Variants in CSMD3 observed in about 807,000 individuals in gnomAD.
The protein encoded by CSMD3 is CUB and Sushi multiple domains 3.
Under a neutral mutation model 435.2 loss-of-function variants are expected in CSMD3, and 177 were observed. The ratio of observed to expected loss-of-function variants is 0.41; its 90% CI spans 0.36 to 0.46. The LOEUF (loss-of-function observed/expected upper bound fraction) is 0.46, where lower values mean the gene tolerates loss of function less well. Ranked by LOEUF, CSMD3 falls within the 20% of genes least tolerant of loss-of-function variation. The pLI is 0.34. For missense variants in CSMD3, 4,265 were observed against 4,504.6 expected, an observed-to-expected ratio of 0.95 and a Z score of 1.52; for synonymous variants, 1,656 against 1,520.5, an observed-to-expected ratio of 1.09 and a Z score of -2.07.
chr8:112,524,712 C>T (rs1452120412), intron 27 of CSMD3, among the ~76,000 whole-genome samples: 1 of 151,712 alleles, frequency 6.6e-6, no homozygotes, highest in African/African-American at 2.4e-5. Flanking sequence ...TATTGAGTAA[C>T]ATAATTGATA....
intron 9 of CSMD3, among the ~76,000 whole-genome samples, chr8:112,942,213 G>T (rs1587723680): frequency 7.5e-6 from 1 of 133,348 alleles, no homozygotes; most frequent in African/African-American, 2.9e-5. Flanking sequence ...GAGTGTAATT[G>T]TTGGTAAACC....
At chr8:112,589,275 C>G (rs1830979129) in intron 22 of CSMD3, among the ~76,000 whole-genome samples, 1 of 152,030 alleles carries the variant, frequency 6.6e-6, no homozygotes, top group Admixed American at 6.6e-5. Flanking sequence ...ATTTAGCTGC[C>G]CTGAGCTACT....
Position 112,241,725 on chromosome 8 carries a change from A to G in CSMD3, c.10463T>C (p.Leu3488Pro), listed in dbSNP as rs61753736. ...RPALGTPSPK[L>P]SVPDDVFAQN... ...AAACAAATGACATTACTAACCACTT[A>G]GCTTTGGGCTGGGTGTTCCCAGTGC... The change falls in exon 66 of 71, where the codon CTA becomes CCA. Residue 3488 changes from leucine (L) to proline (P), a missense_variant. Physicochemically the swap from Leu to Pro is moderately conservative, Grantham distance 98. Transcript: ENST00000297405. 34,227 of 1,609,456 alleles carry G rather than the reference A, an allele frequency of 0.021. 431 individuals are homozygous for G. The highest frequency in any genetic ancestry group is 0.033 in the Middle Eastern group (197 of 6,042).
intron 3 of CSMD3, among the ~76,000 whole-genome samples, chr8:113,260,209 G>A (rs1470259620): frequency 6.6e-6 from 1 of 152,100 alleles, no homozygotes; most frequent in African/African-American, 2.4e-5. Flanking sequence ...ATACAGGCAG[G>A]ATTGAATGAA....
intron 23 of CSMD3, among the ~76,000 whole-genome samples, chr8:112,576,333 A>T (rs527536193): frequency 2.6e-5 from 4 of 152,220 alleles, no homozygotes; most frequent in African/African-American, 9.6e-5. Context: ...TTTCCTATAT[A>T]TAACAATGTA....
Position 112,766,304 on chromosome 8 carries a change from T to A in CSMD3, c.1972+33858A>T, listed in dbSNP as rs184779195. ...AAGAAGAGATATTCTTGGAATATAT[T>A]TTTTTTTTTGGTCAGAAGTTGGAAT... On this transcript the variant is annotated intron_variant, in intron 13 of 70. Transcript: ENST00000297405. 9.9e-4 allele frequency among the ~76,000 whole-genome samples: 148 copies of A among 149,038 alleles called. 2 individuals carry two copies. The East Asian group carries it at 0.023, about 24-fold the overall frequency.
chr8:112,582,835 T>A (rs1193011234), intron 23 of CSMD3, among the ~76,000 whole-genome samples: 1 of 152,040 alleles, frequency 6.6e-6, no homozygotes, highest in South Asian at 2.1e-4. Flanking sequence ...AAAAGATACC[T>A]CAAAAAACTT....
At chr8:112,504,124 A>G (rs1822268719) in intron 29 of CSMD3, 147 bp from the exon 30 acceptor site, 1 of 554,848 alleles carries the variant, frequency 1.8e-6, no homozygotes. Flanking sequence ...AATATAAAAA[A>G]TCACCTGGCA....
intron 21 of CSMD3, among the ~76,000 whole-genome samples, chr8:112,637,341 A>G (rs565032755): frequency 8.5e-5 from 13 of 152,296 alleles, no homozygotes; most frequent in Admixed American, 6.5e-4. Context: ...ACGGCATAAG[A>G]ACTGCATATT....
chr8:112,311,311 T>C (rs1209288094), intron 49 of CSMD3, 145 bp from the exon 50 acceptor site: 13 of 687,408 alleles, frequency 1.9e-5, no homozygotes, highest in Non-Finnish European at 3.1e-5. Context: ...CAACATATTG[T>C]GCTCTTTCCT....
chr8:112,252,532 G>A lies in CSMD3; in HGVS notation c.10110+1721C>T, dbSNP rs182035021. Among the ~76,000 whole-genome samples the A allele has an allele frequency of 2.0e-3, 301 of 151,600 alleles. 1 individual carries two copies. Among genetic ancestry groups the A allele is most frequent in the African/African-American group, 6.8e-3 (280 of 41,434 alleles). On this transcript the variant is annotated intron_variant, in intron 63 of 70. Coordinates refer to ENST00000297405, the MANE Select transcript of CSMD3 (RefSeq NM_198123.2). Reference sequence around the variant, plus strand: ...GTTTTTTTGTTACTTGCAAGCAATCGTTTTTCTCAATGGCTCAAGATGCCT... The same window carrying A: ...GTTTTTTTGTTACTTGCAAGCAATCATTTTTCTCAATGGCTCAAGATGCCT...
chr8:113,074,042 A>G (rs150988928), intron 5 of CSMD3, among the ~76,000 whole-genome samples: 237 of 151,872 alleles, frequency 1.6e-3, no homozygotes, highest in African/African-American at 5.6e-3. Flanking sequence ...TTATTGCTAA[A>G]TATTATCCTT....
At chr8:112,351,075 G>C (rs1414663334) in intron 40 of CSMD3, 100 bp downstream of exon 40, 1 of 770,054 alleles carries the variant, frequency 1.3e-6, no homozygotes, top group East Asian at 2.5e-5. Context: ...ATGATATACA[G>C]AATGAAACTT....
At chr8:112,282,929 C>A (rs1380311919) in intron 58 of CSMD3, among the ~76,000 whole-genome samples, 1 of 152,034 alleles carries the variant, frequency 6.6e-6, no homozygotes, top group East Asian at 1.9e-4. Flanking sequence ...AGTCATTTCC[C>A]AGCAGTCAAC....
intron 22 of CSMD3, among the ~76,000 whole-genome samples, chr8:112,595,462 C>A (rs1831608887): frequency 1.2e-5 from 1 of 84,768 alleles, no homozygotes; most frequent in South Asian, 4.7e-4. Context: ...TCCAGGAGAA[C>A]TTCCCCAATC....
chr8:112,410,901 G>C (rs1811258573), intron 32 of CSMD3, among the ~76,000 whole-genome samples: 1 of 150,110 alleles, frequency 6.7e-6, no homozygotes, highest in Non-Finnish European at 1.5e-5. Flanking sequence ...GTTACATCAA[G>C]CACACTGCCC....
At chr8:112,494,530 T>TCTTTCTTTCTTTC (rs1821102709) in intron 30 of CSMD3, among the ~76,000 whole-genome samples, 1 of 141,684 alleles carries the variant, frequency 7.1e-6, no homozygotes, top group Non-Finnish European at 1.5e-5. Context: ...TTTCTTTCTT[T>TCTTTCTTTCTTTC]CTTTCTTTCT....
At chr8:112,959,916 A>C (rs2084165767) in intron 7 of CSMD3, among the ~76,000 whole-genome samples, 1 of 151,902 alleles carries the variant, frequency 6.6e-6, no homozygotes, top group South Asian at 2.1e-4. Flanking sequence ...AGGAGTTAGC[A>C]GACCTATGTT....
chr8:112,500,193 A>G (rs1821804592), intron 30 of CSMD3, among the ~76,000 whole-genome samples: 1 of 152,204 alleles, frequency 6.6e-6, no homozygotes, highest in South Asian at 2.1e-4. Context: ...AGGAAATAAC[A>G]TAGATAAAAG....
Sources: gnomAD v4.1 joint callset for allele counts (sites outside exome capture counted in the v4.1 genomes callset) on GRCh38, gnomAD v4.1.1 for gene constraint, MANE v1.5 for transcripts, NCBI Gene and HGNC (gene_info 2026-07-23, HGNC 2026-07-21) for gene names.